The following ARHGAP26 variants were observed in gnomAD, a reference collection of about 807,000 sequenced individuals.
ARHGAP26 encodes rho GTPase-activating protein 26.
Under a neutral mutation model 104.8 loss-of-function variants are expected in ARHGAP26, and 38 were observed. The ratio of observed to expected loss-of-function variants is 0.36; its 90% CI spans 0.28 to 0.48. ARHGAP26 has a LOEUF of 0.48. ARHGAP26 is among the 20% of genes least tolerant of loss of function. The pLI is 0.99. For synonymous variants in ARHGAP26, 341 were observed against 340.0 expected (o/e 1.00, Z -0.03); for missense variants, 704 against 947.9 (o/e 0.74, Z 3.38).
At chr5:143,136,376 G>C (rs1176613803) in intron 19 of ARHGAP26, among the ~76,000 whole-genome samples, 1 of 152,138 alleles carries the variant, frequency 6.6e-6, no homozygotes, top group African/African-American at 2.4e-5. Flanking sequence ...GAACAATAGG[G>C]CCTTTCTCTA....
chr5:142,976,321 A>G (rs1023462416), intron 11 of ARHGAP26, among the ~76,000 whole-genome samples: 1 of 152,218 alleles, frequency 6.6e-6, no homozygotes, highest in Non-Finnish European at 1.5e-5. Context: ...TATGAAGTGA[A>G]TAAGTGAACT....
chr5:143,082,302 C>G (rs773335934), intron 17 of ARHGAP26, among the ~76,000 whole-genome samples: 7 of 152,122 alleles, frequency 4.6e-5, no homozygotes, highest in Non-Finnish European at 1.0e-4. Context: ...AGCATTCTCT[C>G]TGGACTGTCA....
chr5:142,781,165 A>G (rs906062025), intron 1 of ARHGAP26, among the ~76,000 whole-genome samples: 20 of 152,174 alleles, frequency 1.3e-4, no homozygotes, highest in African/African-American at 4.3e-4. Flanking sequence ...CCTGTGGGAA[A>G]GGCAACTGAA....
At chr5:143,093,948 A>C (rs1271324884) in intron 17 of ARHGAP26, among the ~76,000 whole-genome samples, 1 of 151,528 alleles carries the variant, frequency 6.6e-6, no homozygotes, top group East Asian at 1.9e-4. Flanking sequence ...GGTTCAACGC[A>C]CCCCATGGGG....
chr5:142,931,635 CT>C (rs35165195), intron 10 of ARHGAP26, among the ~76,000 whole-genome samples: 33,257 of 151,916 alleles, frequency 0.22, 4,022 homozygotes, highest in East Asian at 0.45. Flanking sequence ...ATTTTCTCCT[CT>C]TTTTTTTATC....
At chr5:142,870,574 C>A (rs143284951) in intron 1 of ARHGAP26, among the ~76,000 whole-genome samples, 13 of 152,332 alleles carry the variant, frequency 8.5e-5, no homozygotes, top group African/African-American at 3.1e-4. Context: ...TTCATGCTTA[C>A]CTTTCCTGGT....
chr5:143,012,568 T>TATACAC (rs1554195735), intron 11 of ARHGAP26, among the ~76,000 whole-genome samples: 1 of 85,968 alleles, frequency 1.2e-5, no homozygotes, highest in Non-Finnish European at 2.8e-5. Context: ...TATATATATA[T>TATACAC]ATATATATTA....
chr5:142,895,405 A>G (rs1240896657), intron 6 of ARHGAP26, among the ~76,000 whole-genome samples: 1 of 151,510 alleles, frequency 6.6e-6, no homozygotes, highest in Non-Finnish European at 1.5e-5. Flanking sequence ...TAATTTTTGT[A>G]TTTTTTAGTA....
chr5:142,805,813 G>A (rs1762880917), intron 1 of ARHGAP26, among the ~76,000 whole-genome samples: 1 of 152,122 alleles, frequency 6.6e-6, no homozygotes, highest in African/African-American at 2.4e-5. Flanking sequence ...TTGCATATTT[G>A]GTAGGGTGGG....
chr5:142,799,851 A>G (rs1187044328), intron 1 of ARHGAP26, among the ~76,000 whole-genome samples: 2 of 152,234 alleles, frequency 1.3e-5, no homozygotes, highest in Non-Finnish European at 2.9e-5. Flanking sequence ...CACCTCTTAA[A>G]GGTCCCCACC....
At chr5:142,893,710 C>T (rs960644449) in intron 5 of ARHGAP26, among the ~76,000 whole-genome samples, 2 of 152,186 alleles carry the variant, frequency 1.3e-5, no homozygotes, top group Admixed American at 1.3e-4. Context: ...TTTACATTCC[C>T]ACCATCAGTT....
intron 11 of ARHGAP26, among the ~76,000 whole-genome samples, chr5:142,968,282 T>C (rs1416665825): frequency 6.6e-6 from 1 of 152,206 alleles, no homozygotes; most frequent in Non-Finnish European, 1.5e-5. Context: ...CCAGAGCATC[T>C]GGTATGAGAG....
chr5:142,870,533 T>C (rs780198434), intron 1 of ARHGAP26, among the ~76,000 whole-genome samples: 2 of 152,214 alleles, frequency 1.3e-5, no homozygotes, highest in African/African-American at 2.4e-5. Context: ...CTTAGGTCAG[T>C]CCTTTAACTT....
chr5:143,068,277 G>A (rs73298593), intron 17 of ARHGAP26, among the ~76,000 whole-genome samples: 6,352 of 152,248 alleles, frequency 0.042, 457 homozygotes, highest in African/African-American at 0.14. Context: ...CCTCAAGGGC[G>A]CTTGTGGTAC....
intron 12 of ARHGAP26, among the ~76,000 whole-genome samples, chr5:143,030,224 G>A (rs1431079814): frequency 6.6e-6 from 1 of 152,156 alleles, no homozygotes; most frequent in African/African-American, 2.4e-5. Flanking sequence ...TAGCATGATG[G>A]TCTAGCGGAG....
intron 17 of ARHGAP26, among the ~76,000 whole-genome samples, chr5:143,073,252 C>G (rs1788525268): frequency 6.6e-6 from 1 of 152,040 alleles, no homozygotes; most frequent in African/African-American, 2.4e-5. Flanking sequence ...AGGTAAGTTC[C>G]AAAGCAAAAA....
intron 11 of ARHGAP26, among the ~76,000 whole-genome samples, chr5:143,001,638 T>C (rs1300185221): frequency 6.6e-6 from 1 of 152,256 alleles, no homozygotes; most frequent in Admixed American, 6.5e-5. Flanking sequence ...ACACTATTCC[T>C]GGAGTCGGAA....
intron 14 of ARHGAP26, among the ~76,000 whole-genome samples, chr5:143,051,679 T>C (rs529612639): frequency 5.9e-5 from 9 of 152,346 alleles, no homozygotes; most frequent in African/African-American, 2.2e-4. Flanking sequence ...GAGCCTTGCC[T>C]CATCAGTGCT....
At chr5:143,022,624 G>C (rs1038687711) in intron 12 of ARHGAP26, among the ~76,000 whole-genome samples, 2 of 152,162 alleles carry the variant, frequency 1.3e-5, no homozygotes, top group African/African-American at 4.8e-5. Flanking sequence ...ACAAGGCTAA[G>C]TTTTTAAAAT....
Sources: allele counts gnomAD v4.1 joint callset (sites outside exome capture counted in the v4.1 genomes callset), GRCh38; gene constraint gnomAD v4.1.1; transcripts MANE v1.5; gene names NCBI Gene and HGNC (gene_info 2026-07-23, HGNC 2026-07-21).